Variants in LUZP2 observed in about 807,000 individuals in gnomAD.
The protein encoded by LUZP2 is leucine zipper protein 2.
LUZP2 carries 52 observed loss-of-function variants against 51.6 expected under a neutral mutation model. That is an observed-to-expected ratio of 1.01 (90% CI 0.81 to 1.27). LUZP2 has a LOEUF of 1.27. Among genes scored for constraint, LUZP2 ranks in the 50% most tolerant of loss-of-function variants. The probability of loss-of-function intolerance (pLI) is 0.00; values close to 1 mark genes in which losing one functional copy is unlikely to be tolerated. For synonymous variants in LUZP2, 154 were observed against 137.3 expected, an observed-to-expected ratio of 1.12 and a Z score of -0.85; for missense variants, 436 against 395.4, an observed-to-expected ratio of 1.10 and a Z score of -0.87.
In LUZP2 at chr11:24,503,566, C is replaced by G. The variant is rs146345405; in HGVS notation, c.62+6261C>G. 4.4e-4 allele frequency among the ~76,000 whole-genome samples: 67 copies of G among 152,238 alleles called. No homozygotes were observed. In the East Asian group the frequency reaches 0.011, roughly 26 times the overall value. On this transcript the variant is annotated intron_variant, in intron 1 of 11. Coordinates refer to ENST00000336930, the MANE Select transcript of LUZP2 (RefSeq NM_001009909.4). ...GTCTGAATTGTTTGGTGTTGCTTTC[C>G]AGTGTTTTAATCTCTTTAAGTGTAC...
intron 1 of LUZP2, among the ~76,000 whole-genome samples, chr11:24,539,339 GCTAT>G (rs1851283667): frequency 6.6e-6 from 1 of 151,756 alleles, no homozygotes; most frequent in Non-Finnish European, 1.5e-5. Flanking sequence ...ATATATGTGT[GCTAT>G]CTGTTATAAT....
chr11:24,913,541 C>A (rs954631816), intron 6 of LUZP2, among the ~76,000 whole-genome samples: 4 of 151,976 alleles, frequency 2.6e-5, no homozygotes, highest in African/African-American at 9.7e-5. Flanking sequence ...CAGTGTAATG[C>A]AATGTACATA....
intron 9 of LUZP2, among the ~76,000 whole-genome samples, chr11:24,989,008 G>A (rs1210967497): frequency 6.6e-6 from 1 of 151,236 alleles, no homozygotes; most frequent in Non-Finnish European, 1.5e-5. Flanking sequence ...GAGGCCGGAA[G>A]AGCCATCAGG....
At chr11:24,714,010 T>A (rs1857943040) in intron 1 of LUZP2, among the ~76,000 whole-genome samples, 1 of 151,428 alleles carries the variant, frequency 6.6e-6, no homozygotes, top group Non-Finnish European at 1.5e-5. Flanking sequence ...CTGTCTTTTT[T>A]AAAAAAAGAA....
At chr11:24,714,760 C>T (rs1325421749) in intron 1 of LUZP2, among the ~76,000 whole-genome samples, 11 of 152,098 alleles carry the variant, frequency 7.2e-5, no homozygotes, top group Non-Finnish European at 1.0e-4. Flanking sequence ...AACATGCAAC[C>T]TAAGGGACAG....
chr11:24,886,848 G>T (rs1565056245), intron 5 of LUZP2, among the ~76,000 whole-genome samples: 2 of 152,118 alleles, frequency 1.3e-5, no homozygotes, highest in African/African-American at 4.8e-5. Flanking sequence ...ATCTCTCAAA[G>T]TTCCCTGCCT....
intron 1 of LUZP2, among the ~76,000 whole-genome samples, chr11:24,562,258 G>T (rs1307477208): frequency 6.6e-6 from 1 of 152,122 alleles, no homozygotes; most frequent in East Asian, 1.9e-4. Context: ...AAGTTGGCAG[G>T]GCTTCCCTTA....
intron 7 of LUZP2, among the ~76,000 whole-genome samples, chr11:24,925,458 A>G (rs1854197905): frequency 6.6e-6 from 1 of 152,206 alleles, no homozygotes; most frequent in Admixed American, 6.5e-5. Context: ...ATAAGAAACA[A>G]GAGAAAGTAA....
chr11:24,768,151 T>G lies in LUZP2; in HGVS notation c.396+4843T>G, dbSNP rs148972672. On this transcript the variant is annotated intron_variant, in intron 5 of 11. Coordinates refer to ENST00000336930, the MANE Select transcript of LUZP2 (RefSeq NM_001009909.4). Reference sequence around the variant, plus strand: ...AGTTGAAATTTTTTTTTTCCTTTTTTGATACAGGGTCTCACTCTGTCGCCC... The same window carrying G: ...AGTTGAAATTTTTTTTTTCCTTTTTGGATACAGGGTCTCACTCTGTCGCCC... Among the ~76,000 whole-genome samples, 673 of 152,290 alleles carry G rather than the reference T, an allele frequency of 4.4e-3. 3 individuals carry two copies. The highest frequency in any genetic ancestry group is 0.016 in the African/African-American group (647 of 41,568).
intron 9 of LUZP2, among the ~76,000 whole-genome samples, chr11:25,026,436 A>G (rs1274034747): frequency 1.3e-5 from 2 of 152,220 alleles, no homozygotes; most frequent in Non-Finnish European, 2.9e-5. Context: ...TAGATTGTGA[A>G]TACTATTCCT....
intron 3 of LUZP2, among the ~76,000 whole-genome samples, chr11:24,736,445 T>G (rs920823072): frequency 6.6e-6 from 1 of 151,736 alleles, no homozygotes; most frequent in African/African-American, 2.4e-5. Flanking sequence ...TGTTGAAGAT[T>G]TGAGTGTTTG....
Position 24,786,025 on chromosome 11 carries a change from C to T in LUZP2, c.396+22717C>T, listed in dbSNP as rs552856956. The T allele has an allele frequency of 1.2e-4, 114 of 985,180 alleles. No homozygotes were observed. The East Asian group carries it at 2.0e-3, about 18-fold the overall frequency. 61.0% of individuals were successfully genotyped at this position (985,180 alleles called of 1,614,324 possible). ...CAAGTGGTACCCAGAGTTGGGGCAC[C>T]GAGTACATCAATGTATTAACTCATC... On this transcript the variant is annotated intron_variant, in intron 5 of 11. Coordinates refer to ENST00000336930, the MANE Select transcript of LUZP2 (RefSeq NM_001009909.4).
At chr11:25,058,825 T>G (rs1858757280) in intron 10 of LUZP2, among the ~76,000 whole-genome samples, 1 of 152,216 alleles carries the variant, frequency 6.6e-6, no homozygotes, top group South Asian at 2.1e-4. Context: ...CTCAATCTTT[T>G]GACTTCTTGC....
At chr11:24,672,808 T>C (rs1175761389) in intron 1 of LUZP2, among the ~76,000 whole-genome samples, 1 of 152,204 alleles carries the variant, frequency 6.6e-6, no homozygotes, top group Non-Finnish European at 1.5e-5. Flanking sequence ...TATTGAATAC[T>C]TTACGTCAGG....
chr11:25,016,074 C>T (rs1394202174), intron 9 of LUZP2, among the ~76,000 whole-genome samples: 2 of 151,792 alleles, frequency 1.3e-5, no homozygotes, highest in East Asian at 2.0e-4. Context: ...GCGCTCGCCA[C>T]CACGCCTAGC....
chr11:24,516,089 A>C (rs1249698532), intron 1 of LUZP2, among the ~76,000 whole-genome samples: 1 of 151,518 alleles, frequency 6.6e-6, no homozygotes, highest in Admixed American at 6.6e-5. Flanking sequence ...GGGCTGTTGA[A>C]AATTTCTTAT....
intron 1 of LUZP2, among the ~76,000 whole-genome samples, chr11:24,688,563 C>T (rs147466139): frequency 8.8e-6 from 1 of 113,240 alleles, no homozygotes; most frequent in East Asian, 2.2e-4. Flanking sequence ...AGGCTACTAT[C>T]CAACTCCCAG....
intron 10 of LUZP2, among the ~76,000 whole-genome samples, chr11:25,070,054 C>T (rs1369268598): frequency 6.6e-6 from 1 of 151,774 alleles, no homozygotes; most frequent in African/African-American, 2.4e-5. Context: ...AAATGGGAGT[C>T]TACTCATTTA....
chr11:24,906,090 T>A (rs758482057), intron 6 of LUZP2, 37 bp downstream of exon 6: 10 of 1,490,298 alleles, frequency 6.7e-6, no homozygotes, highest in Non-Finnish European at 9.3e-6. Context: ...TTTAACCAGA[T>A]AAAAACAGTA....
Sources: gnomAD v4.1 joint callset for allele counts (sites outside exome capture counted in the v4.1 genomes callset) on GRCh38, gnomAD v4.1.1 for gene constraint, MANE v1.5 for transcripts, NCBI Gene and HGNC (gene_info 2026-07-23, HGNC 2026-07-21) for gene names.